Variants in SCP2 observed in about 807,000 individuals in gnomAD.
SCP2 encodes sterol carrier protein 2.
Under a neutral mutation model 71.4 loss-of-function variants are expected in SCP2, and 48 were observed. The observed-to-expected ratio is 0.67, with a 90% CI of 0.53 to 0.86. The LOEUF is 0.86. SCP2 is among the 40% of genes least tolerant of loss of function. The probability of loss-of-function intolerance (pLI) is 0.00; values close to 1 mark genes in which losing one functional copy is unlikely to be tolerated. For missense variants in SCP2, 560 were observed against 655.6 expected, an observed-to-expected ratio of 0.85 and a Z score of 1.59; for synonymous variants, 220 against 218.1, an observed-to-expected ratio of 1.01 and a Z score of -0.08.
chr1:52,945,744 AATAT>A (rs147167752), intron 2 of SCP2, among the ~76,000 whole-genome samples: 19 of 145,772 alleles, frequency 1.3e-4, no homozygotes, highest in African/African-American at 4.7e-4. Context: ...AGTTGTGCAT[AATAT>A]ATATATATAT....
intron 11 of SCP2, chr1:52,994,728 G>A: frequency 1.4e-6 from 1 of 713,730 alleles, no homozygotes; most frequent in Non-Finnish European, 2.3e-6. Flanking sequence ...TTTTAACCAT[G>A]AGGGAAATCG....
chr1:52,982,437 T>G (rs1435686837), intron 10 of SCP2, among the ~76,000 whole-genome samples: 11 of 151,900 alleles, frequency 7.2e-5, no homozygotes, highest in South Asian at 2.1e-4. Flanking sequence ...GGGCATGGTG[T>G]TGGGCACCTG....
chr1:52,959,009 G>A (rs1436110880), intron 5 of SCP2, among the ~76,000 whole-genome samples: 2 of 152,146 alleles, frequency 1.3e-5, no homozygotes, highest in East Asian at 3.8e-4. Context: ...ACAGGTGTGA[G>A]CCACCACACC....
chr1:52,993,781 C>T (rs989956545), intron 11 of SCP2: 2 of 1,570,022 alleles, frequency 1.3e-6, no homozygotes, highest in African/African-American at 1.3e-5. Context: ...CCCCTCTCTC[C>T]TCCCCCAGCA....
intron 11 of SCP2, among the ~76,000 whole-genome samples, chr1:52,990,068 C>T (rs979100962): frequency 5.9e-5 from 9 of 152,182 alleles, no homozygotes; most frequent in Non-Finnish European, 1.2e-4. Context: ...TTAAGGACAT[C>T]TCTGTCCAGT....
chr1:52,962,018 C>T (rs1362372276), intron 6 of SCP2, among the ~76,000 whole-genome samples: 1 of 152,162 alleles, frequency 6.6e-6, no homozygotes, highest in Non-Finnish European at 1.5e-5. Flanking sequence ...CCTTCCACCC[C>T]AGCCTCTCGA....
At chr1:53,034,468 T>A (rs1056421243) in intron 13 of SCP2, among the ~76,000 whole-genome samples, 1 of 152,170 alleles carries the variant, frequency 6.6e-6, no homozygotes, top group Non-Finnish European at 1.5e-5. Context: ...AGACAGGGAA[T>A]GACTGCTAAT....
intron 5 of SCP2, among the ~76,000 whole-genome samples, chr1:52,956,944 C>T: frequency 7.4e-6 from 1 of 135,324 alleles, no homozygotes; most frequent in Middle Eastern, 4.4e-3. Flanking sequence ...AAGTCTCTCT[C>T]TGTCACCCAG....
In SCP2 at chr1:52,948,004, T is replaced by C. The variant is rs777908071; in HGVS notation, c.128-5T>C. ...CTTTTTGATAAAAACCTTTCGTTTT[T>C]ATAGGCAAGAAGGCTTTAGCTGATG... On this transcript the variant is annotated splice_polypyrimidine_tract_variant and splice_region_variant and intron_variant, in intron 2 of 15. Coordinates refer to ENST00000371514, the MANE Select transcript of SCP2 (RefSeq NM_002979.5). 6.2e-7 allele frequency: 1 copy of C among 1,607,914 alleles called. No homozygotes were observed. The highest frequency in any genetic ancestry group is 1.7e-5 in the Admixed American group (1 of 60,020).
chr1:53,012,976 A>G (rs1372976802), intron 11 of SCP2, among the ~76,000 whole-genome samples: 1 of 152,182 alleles, frequency 6.6e-6, no homozygotes, highest in African/African-American at 2.4e-5. Context: ...ATATTCATTT[A>G]TAAAGGCAGA....
At chr1:53,030,025 A>G (rs1216916514) in intron 13 of SCP2, among the ~76,000 whole-genome samples, 1 of 151,988 alleles carries the variant, frequency 6.6e-6, no homozygotes, top group Admixed American at 6.6e-5. Flanking sequence ...AGTAGCTGGC[A>G]TTACAGGCAC....
chr1:52,970,686 G>C (rs542253986), intron 6 of SCP2, among the ~76,000 whole-genome samples: 89 of 151,820 alleles, frequency 5.9e-4, no homozygotes, highest in Middle Eastern at 3.4e-3. Context: ...TTCTTTTCTT[G>C]GTAGTTTAGA....
intron 2 of SCP2, among the ~76,000 whole-genome samples, chr1:52,945,589 G>A (rs756359078): frequency 2.6e-5 from 4 of 151,974 alleles, no homozygotes; most frequent in Non-Finnish European, 4.4e-5. Flanking sequence ...TGTAGTCCCA[G>A]CTACTCAGGA....
At chr1:52,979,880 G>C (rs77067469) in intron 9 of SCP2, among the ~76,000 whole-genome samples, 4,436 of 151,796 alleles carry the variant, frequency 0.029, 223 homozygotes, top group African/African-American at 0.1. Flanking sequence ...TCAATTGACT[G>C]ACCCTCCTTC....
At chr1:53,006,611 C>T (rs1012663599) in intron 11 of SCP2, among the ~76,000 whole-genome samples, 3 of 152,154 alleles carry the variant, frequency 2.0e-5, no homozygotes, top group Admixed American at 1.3e-4. Flanking sequence ...GCCTGCCTTA[C>T]AAGAGCTCCT....
intron 11 of SCP2, among the ~76,000 whole-genome samples, chr1:53,004,321 G>A (rs1048442721): frequency 6.6e-6 from 1 of 152,150 alleles, no homozygotes; most frequent in African/African-American, 2.4e-5. Context: ...GGATGTGAGG[G>A]CACTACTGTA....
chr1:53,030,886 C>CA (rs1382135718), intron 13 of SCP2, among the ~76,000 whole-genome samples: 2 of 136,180 alleles, frequency 1.5e-5, no homozygotes, highest in Non-Finnish European at 3.0e-5. Context: ...GGTGACAGAG[C>CA]GAGACTCCAC....
intron 11 of SCP2, among the ~76,000 whole-genome samples, chr1:52,988,688 C>CT (rs71744669): frequency 1.1e-3 from 151 of 133,380 alleles, no homozygotes; most frequent in East Asian, 2.1e-3. Flanking sequence ...TCTTTCTTTT[C>CT]TTTTTTTTTT....
intron 7 of SCP2, among the ~76,000 whole-genome samples, chr1:52,975,446 G>A (rs1657880782): frequency 6.6e-6 from 1 of 152,106 alleles, no homozygotes; most frequent in Admixed American, 6.6e-5. Context: ...CCAAAGTGCT[G>A]GGATTACAGG....
Sources: gnomAD v4.1 joint callset for allele counts (sites outside exome capture counted in the v4.1 genomes callset) on GRCh38, gnomAD v4.1.1 for gene constraint, MANE v1.5 for transcripts, NCBI Gene and HGNC (gene_info 2026-07-23, HGNC 2026-07-21) for gene names.